The following MYOC variants were observed in gnomAD, a reference collection of about 807,000 sequenced individuals.
The protein encoded by MYOC is myocilin, also known as juvenile-onset open-angle glaucoma 1.
A neutral mutation model predicts 28.2 loss-of-function variants in MYOC; 29 were observed. The observed-to-expected ratio is 1.03, with a 90% CI of 0.77 to 1.40. The LOEUF is 1.40. Ranked by LOEUF, MYOC falls within the 40% of genes most tolerant of loss-of-function variation. MYOC has a pLI of 0.00. For missense variants in MYOC, 569 were observed against 620.6 expected (o/e 0.92, Z 0.88); for synonymous variants, 240 against 245.6 (o/e 0.98, Z 0.21).
In MYOC at chr1:171,652,642, A is replaced by G; in HGVS notation, c.-31T>C. On this transcript the variant is annotated 5_prime_UTR_variant, in exon 1 of 3. Coordinates refer to ENST00000037502, the MANE Select transcript of MYOC (RefSeq NM_000261.2). ...AGGCTTGGTGAGGCTTCCTCTGGAA[A>G]GCTCTGCTGTGCTGAGAGGTGCCTG... 6.2e-7 allele frequency: 1 copy of G among 1,613,090 alleles called. No homozygotes were observed. The highest frequency in any genetic ancestry group is 8.5e-7 in the Non-Finnish European group (1 of 1,179,960).
intron 1 of MYOC, among the ~76,000 whole-genome samples, chr1:171,643,753 A>C (rs771008194): frequency 2.0e-5 from 3 of 152,096 alleles, no homozygotes; most frequent in African/African-American, 7.2e-5. Flanking sequence ...TGGGTGGATC[A>C]TGAGGTCAGG....
chr1:171,635,982 G>T lies in MYOC; in HGVS notation c.1458C>A (p.Leu486=), dbSNP rs745712367. 4 of 1,614,178 alleles carry T rather than the reference G, an allele frequency of 2.5e-6. No homozygotes were observed. The highest frequency in any genetic ancestry group is 3.4e-6 in the Non-Finnish European group (4 of 1,180,026). ...CCATGTTCAAGTTGTCCCAGGCAAA[G>T]AGCTTCTTCTCCAGGGGGTTGTAGT... ...MIDYNPLEKK[L]FAWDNLNMVT... is the part of the protein sequence containing the mutation. The change falls in exon 3 of 3, where the codon CTC becomes CTA. Residue 486 remains leucine, a synonymous_variant. Coordinates refer to ENST00000037502, the MANE Select transcript of MYOC (RefSeq NM_000261.2).
intron 1 of MYOC, among the ~76,000 whole-genome samples, chr1:171,646,126 G>C (rs926719249): frequency 6.6e-6 from 1 of 152,174 alleles, no homozygotes; most frequent in Non-Finnish European, 1.5e-5. Context: ...GCGGGTGGAA[G>C]CCCAGAATAG....
At chr1:171,647,990 C>T (rs1385732048) in intron 1 of MYOC, among the ~76,000 whole-genome samples, 1 of 151,624 alleles carries the variant, frequency 6.6e-6, no homozygotes, top group Non-Finnish European at 1.5e-5. Flanking sequence ...ACCAGCCTGG[C>T]CAACATGGTG....
At chr1:171,650,403 C>A (rs2102950454) in intron 1 of MYOC, among the ~76,000 whole-genome samples, 1 of 152,342 alleles carries the variant, frequency 6.6e-6, no homozygotes, top group East Asian at 1.9e-4. Context: ...CTTAGGACTT[C>A]ACTTTCCTTG....
At chr1:171,651,822 T>A (rs529280264) in intron 1 of MYOC, among the ~76,000 whole-genome samples, 186 bp downstream of exon 1, 1 of 152,294 alleles carries the variant, frequency 6.6e-6, no homozygotes. Flanking sequence ...TAAATGAAGC[T>A]CTCAGGAGCT....
At position 171,635,990 on chromosome 1, in the gene MYOC, T is replaced by C; in HGVS notation, c.1450A>G (p.Lys484Glu). ...AAGTTGTCCCAGGCAAAGAGCTTCT[T>C]CTCCAGGGGGTTGTAGTCAATCATG... Reference protein sequence around the residue: ...SSMIDYNPLEKKLFAWDNLNM... With the variant: ...SSMIDYNPLEEKLFAWDNLNM... Residue 484 changes from lysine (K) to glutamate (E), a missense_variant, in exon 3 of 3, where the codon AAG becomes GAG. Transcript: ENST00000037502. 1 of 1,614,158 alleles carries C rather than the reference T, an allele frequency of 6.2e-7. No individual in the cohort carries two copies. The highest frequency in any genetic ancestry group is 2.2e-5 in the East Asian group (1 of 44,886).
chr1:171,642,634 AAAG>A (rs1305431527), intron 1 of MYOC, among the ~76,000 whole-genome samples: 1 of 150,914 alleles, frequency 6.6e-6, no homozygotes, highest in Non-Finnish European at 1.5e-5. Context: ...AAAATTAAAA[AAAG>A]AAAGACTCAT....
Position 171,635,883 on chromosome 1 carries a change from G to A in MYOC, c.*42C>T, listed in dbSNP as rs971519399. The stretch of plus-strand genomic sequence containing the variant: ...TCAGCCTGCTCCCCCCAGGAGCCCT[G>A]AGCATCTCCTTCTGCCATTGCCTGT... On this transcript the variant is annotated 3_prime_UTR_variant, in exon 3 of 3. Coordinates refer to ENST00000037502, the MANE Select transcript of MYOC (RefSeq NM_000261.2). The A allele has an allele frequency of 1.2e-6, 2 of 1,608,178 alleles. No individual in the cohort carries two copies. Among genetic ancestry groups the A allele is most frequent in the Non-Finnish European group, 1.7e-6 (2 of 1,176,424 alleles).
chr1:171,639,011 G>GCTTGGGAGACTGAGGC (rs922715974), intron 1 of MYOC, among the ~76,000 whole-genome samples: 2 of 152,132 alleles, frequency 1.3e-5, no homozygotes, highest in African/African-American at 4.8e-5. Flanking sequence ...CAGGAGAATT[G>GCTTGGGAGACTGAGGC]CTTGAACCAA....
chr1:171,635,921 C>A lies in MYOC; in HGVS notation c.*4G>T, dbSNP rs750800370. On this transcript the variant is annotated 3_prime_UTR_variant, in exon 3 of 3. Transcript: ENST00000037502. The stretch of plus-strand genomic sequence containing the variant: ...TGCCATTGCCTGTACAGCTTGGAGG[C>A]TTTTCACATCTTGGAGAGCTTGATG... The A allele has an allele frequency of 1.7e-5, 27 of 1,613,930 alleles. No homozygotes were observed. The highest frequency in any genetic ancestry group is 2.0e-5 in the Non-Finnish European group (24 of 1,180,008).
intron 1 of MYOC, among the ~76,000 whole-genome samples, chr1:171,640,020 C>T (rs1216661041): frequency 7.8e-6 from 1 of 129,018 alleles, no homozygotes. Flanking sequence ...GAGGCCAAGA[C>T]AGGAGGAGTA....
chr1:171,636,443 T>C lies in MYOC; in HGVS notation c.997A>G (p.Ser333Gly). 1 of 1,614,020 alleles carries C rather than the reference T, an allele frequency of 6.2e-7. No individual in the cohort carries two copies. Among genetic ancestry groups the C allele is most frequent in the African/African-American group, 1.3e-5 (1 of 75,016 alleles). The change falls in exon 3 of 3, where the codon AGC becomes GGC. Residue 333 changes from serine to glycine, a missense_variant. By Grantham distance (56) the Ser-to-Gly change is moderately conservative. Coordinates refer to ENST00000037502, the MANE Select transcript of MYOC (RefSeq NM_000261.2). ...GACTCAGCGCCCTGGAAATAGAGGC[T>C]CCCCGAGTACACCACAGCACCCGTG... ...ESTGAVVYSG[S>G]LYFQGAESRT... is the part of the protein sequence containing the mutation.
chr1:171,648,526 G>T (rs1015302257), intron 1 of MYOC, among the ~76,000 whole-genome samples: 4 of 151,928 alleles, frequency 2.6e-5, no homozygotes, highest in African/African-American at 9.7e-5. Flanking sequence ...CTGTTCAACA[G>T]GAGACCAGTC....
In MYOC at chr1:171,635,941, T is replaced by G. The variant is rs145977437; in HGVS notation, c.1499A>C (p.Lys500Thr). Residue 500 changes from lysine to threonine, a missense_variant, in exon 3 of 3, where the codon AAG becomes ACG. Transcript: ENST00000037502. The stretch of plus-strand genomic sequence containing the variant: ...GGAGGCTTTTCACATCTTGGAGAGC[T>G]TGATGTCATAAGTGACCATGTTCAA... The part of the protein sequence containing the change: ...DNLNMVTYDI[K>T]LSKM 1 of 1,614,144 alleles carries G rather than the reference T, an allele frequency of 6.2e-7. No individual in the cohort carries two copies. The highest frequency in any genetic ancestry group is 1.7e-5 in the Admixed American group (1 of 60,020).
chr1:171,637,564 G>T (rs147703246), intron 2 of MYOC, among the ~76,000 whole-genome samples: 1 of 151,892 alleles, frequency 6.6e-6, no homozygotes, highest in African/African-American at 2.4e-5. Flanking sequence ...TTTAAATGTA[G>T]TGAAGAGACG....
chr1:171,639,945 A>AG (rs1388220902), intron 1 of MYOC, among the ~76,000 whole-genome samples: 1 of 117,266 alleles, frequency 8.5e-6, no homozygotes, highest in African/African-American at 3.4e-5. Context: ...CTCTGTCTCA[A>AG]GAAAAAAAAA....
rs1175117891 is a variant in MYOC, at chr1:171,639,946, GAAAAAAAAAAAAAAA to G, written c.605-1239_605-1225del. On this transcript the variant is annotated intron_variant, in intron 1 of 2. Coordinates refer to ENST00000037502, the MANE Select transcript of MYOC (RefSeq NM_000261.2). Reference sequence around the variant, plus strand: ...GCAACAGAGCAAGACTCTGTCTCAAGAAAAAAAAAAAAAAAAAAAAAAAAAAAGAAGTGTGGCTCA... The same window carrying G: ...GCAACAGAGCAAGACTCTGTCTCAAGAAAAAAAAAAAAGAAGTGTGGCTCA... Among the ~76,000 whole-genome samples, 4 of 46,974 alleles carry G rather than the reference GAAAAAAAAAAAAAAA, an allele frequency of 8.5e-5. No individual in the cohort carries two copies. The Admixed American group carries it at 1.1e-3, about 13-fold the overall frequency. The allele number at this position is 46,974 out of a possible 152,430, so 30.8% of individuals were successfully genotyped here.
chr1:171,646,127 C>T (rs1209599837), intron 1 of MYOC, among the ~76,000 whole-genome samples: 1 of 152,162 alleles, frequency 6.6e-6, no homozygotes, highest in Non-Finnish European at 1.5e-5. Context: ...CGGGTGGAAG[C>T]CCAGAATAGA....
Sources: gnomAD v4.1 joint callset for allele counts (sites outside exome capture counted in the v4.1 genomes callset) on GRCh38, gnomAD v4.1.1 for gene constraint, MANE v1.5 for transcripts, NCBI Gene and HGNC (gene_info 2026-07-23, HGNC 2026-07-21) for gene names.